The following TAS2R1 variants were observed in gnomAD, a reference collection of about 807,000 sequenced individuals.
TAS2R1 encodes taste 2 receptor member 1.
For synonymous variants in TAS2R1, 141 were observed against 134.2 expected (o/e 1.05, Z -0.35); for missense variants, 370 against 353.4 (o/e 1.05, Z -0.38).
chr5:9,633,795 GT>G (rs565508390), upstream of TAS2R1, among the ~76,000 whole-genome samples: 3 of 150,172 alleles, frequency 2.0e-5, no homozygotes, highest in Non-Finnish European at 3.0e-5. Flanking sequence ...GGGATTATTG[GT>G]TTTTTTTTCT....
the TAS2R1 span, among the ~76,000 whole-genome samples, chr5:9,825,976 T>A: frequency 2.0e-5 from 3 of 152,280 alleles, no homozygotes; most frequent in East Asian, 5.8e-4. Flanking sequence ...AAGGCCAAAA[T>A]CCAGTGGGTT....
At chr5:9,748,039 G>C in the TAS2R1 span, among the ~76,000 whole-genome samples, 2 of 152,090 alleles carry the variant, frequency 1.3e-5, no homozygotes, top group Admixed American at 1.3e-4. Flanking sequence ...GGCTGCAGGT[G>C]AGATTTTCAA....
intron 2 of TAS2R1, among the ~76,000 whole-genome samples, chr5:9,637,071 T>A (rs1387583452): frequency 6.6e-6 from 1 of 152,188 alleles, no homozygotes; most frequent in African/African-American, 2.4e-5. Flanking sequence ...ATTTCAAGGT[T>A]TTGTTTCAGG....
intron 1 of TAS2R1, among the ~76,000 whole-genome samples, chr5:9,677,330 A>G (rs1740896545): frequency 6.6e-6 from 1 of 152,110 alleles, no homozygotes; most frequent in African/African-American, 2.4e-5. Flanking sequence ...TGGGTGATGA[A>G]ATAATCTGTA....
the TAS2R1 span, among the ~76,000 whole-genome samples, chr5:9,797,285 C>T: frequency 2.0e-5 from 3 of 152,120 alleles, no homozygotes; most frequent in African/African-American, 7.2e-5. Flanking sequence ...GTACTGCTGA[C>T]GTACCCTACA....
the TAS2R1 span, among the ~76,000 whole-genome samples, chr5:9,730,042 C>G: frequency 6.6e-6 from 1 of 151,850 alleles, no homozygotes; most frequent in Non-Finnish European, 1.5e-5. Flanking sequence ...TATATGAATG[C>G]CAGCTCATTT....
intron 1 of TAS2R1, among the ~76,000 whole-genome samples, chr5:9,685,760 A>AT (rs1012081002): frequency 6.6e-6 from 1 of 152,280 alleles, no homozygotes; most frequent in Non-Finnish European, 1.5e-5. Flanking sequence ...TTCTATACCT[A>AT]TTTTTTTAAG....
chr5:9,747,352 G>A, the TAS2R1 span, among the ~76,000 whole-genome samples: 1 of 152,076 alleles, frequency 6.6e-6, no homozygotes, highest in Non-Finnish European at 1.5e-5. Flanking sequence ...AAGGAAAGAG[G>A]TTTATTTGGC....
chr5:9,657,179 G>GT (rs1409733057), intron 2 of TAS2R1, among the ~76,000 whole-genome samples: 8 of 151,868 alleles, frequency 5.3e-5, no homozygotes, highest in Admixed American at 2.6e-4. Context: ...TTATGCATGA[G>GT]TTTTTTTAAT....
the TAS2R1 span, among the ~76,000 whole-genome samples, chr5:9,844,226 A>T: frequency 1.3e-5 from 2 of 152,166 alleles, no homozygotes; most frequent in Non-Finnish European, 2.9e-5. Flanking sequence ...TTTTTCTATT[A>T]TATTAGCCTC....
At chr5:9,711,890 T>G (rs551439060) in intron 1 of TAS2R1, among the ~76,000 whole-genome samples, 2 of 151,670 alleles carry the variant, frequency 1.3e-5, no homozygotes, top group Non-Finnish European at 2.9e-5. Flanking sequence ...GGTCTCGAAC[T>G]CCTGACCTCA....
At chr5:9,723,083 T>A in the TAS2R1 span, among the ~76,000 whole-genome samples, 1 of 152,150 alleles carries the variant, frequency 6.6e-6, no homozygotes, top group Non-Finnish European at 1.5e-5. Flanking sequence ...AATATTTCAG[T>A]CTAGGGTCAT....
intron 2 of TAS2R1, among the ~76,000 whole-genome samples, chr5:9,652,459 T>C (rs553392525): frequency 1.3e-5 from 2 of 152,260 alleles, no homozygotes; most frequent in South Asian, 2.1e-4. Context: ...ATCGTCATCC[T>C]CTTCCTCTTC....
chr5:9,706,623 T>C (rs759467435), intron 1 of TAS2R1, among the ~76,000 whole-genome samples: 1 of 152,134 alleles, frequency 6.6e-6, no homozygotes, highest in Non-Finnish European at 1.5e-5. Context: ...ACCAAAGAAG[T>C]TGAGTTGTAC....
chr5:9,799,845 A>G, the TAS2R1 span, among the ~76,000 whole-genome samples: 1 of 152,242 alleles, frequency 6.6e-6, no homozygotes, highest in African/African-American at 2.4e-5. Flanking sequence ...TTTCCTCTCA[A>G]TGGCATTTTG....
the TAS2R1 span, among the ~76,000 whole-genome samples, chr5:9,803,651 G>T: frequency 6.6e-6 from 1 of 152,170 alleles, no homozygotes; most frequent in South Asian, 2.1e-4. Flanking sequence ...TAAGCTTCAT[G>T]AATGAAGGAA....
intron 1 of TAS2R1, among the ~76,000 whole-genome samples, chr5:9,676,375 A>G (rs1056936951): frequency 6.6e-6 from 1 of 152,212 alleles, no homozygotes; most frequent in African/African-American, 2.4e-5. Context: ...AAACTGCAGC[A>G]ATCAAGATAG....
At chr5:9,800,743 C>T in the TAS2R1 span, among the ~76,000 whole-genome samples, 2 of 152,212 alleles carry the variant, frequency 1.3e-5, no homozygotes, top group African/African-American at 2.4e-5. Flanking sequence ...TATCCATTGG[C>T]CCTGTTGTGG....
chr5:9,725,720 G>C, the TAS2R1 span, among the ~76,000 whole-genome samples: 3 of 152,216 alleles, frequency 2.0e-5, no homozygotes, highest in African/African-American at 4.8e-5. Context: ...GCAGGCACAC[G>C]GCACGGGACT....
Sources: allele counts gnomAD v4.1 joint callset (sites outside exome capture counted in the v4.1 genomes callset), GRCh38; gene constraint gnomAD v4.1.1; transcripts MANE v1.5; gene names NCBI Gene and HGNC (gene_info 2026-07-23, HGNC 2026-07-21).